Variants in ENPP3 observed in about 807,000 individuals in gnomAD.
ENPP3 encodes the protein ectonucleotide pyrophosphatase/phosphodiesterase family member 3.
A neutral mutation model predicts 117.8 loss-of-function variants in ENPP3; 104 were observed. The ratio of observed to expected loss-of-function variants is 0.88; its 90% CI spans 0.75 to 1.04. ENPP3 has a LOEUF of 1.04. Among genes scored for constraint, ENPP3 ranks in the 50% least tolerant of loss-of-function variants. ENPP3 has a pLI of 0.00. For synonymous variants in ENPP3, 380 were observed against 349.9 expected, an observed-to-expected ratio of 1.09 and a Z score of -0.96; for missense variants, 1,026 against 1,051.9, an observed-to-expected ratio of 0.98 and a Z score of 0.34.
At chr6:131,666,190 C>T (rs1270101738) in intron 6 of ENPP3, among the ~76,000 whole-genome samples, 1 of 151,552 alleles carries the variant, frequency 6.6e-6, no homozygotes, top group Non-Finnish European at 1.5e-5. Context: ...GTTTAATGTT[C>T]TGTAAGGGTT....
chr6:131,742,063 T>C (rs187537377), intron 24 of ENPP3, among the ~76,000 whole-genome samples: 1 of 152,232 alleles, frequency 6.6e-6, no homozygotes, highest in East Asian at 1.9e-4. Context: ...AGTTGGGTCA[T>C]GTAGATACGA....
At chr6:131,735,390 T>C (rs978982114) in intron 21 of ENPP3, among the ~76,000 whole-genome samples, 1 of 152,080 alleles carries the variant, frequency 6.6e-6, no homozygotes, top group Non-Finnish European at 1.5e-5. Flanking sequence ...ACAAACACCA[T>C]ATGAAATCTG....
At chr6:131,680,980 A>G (rs1160226603) in intron 11 of ENPP3, among the ~76,000 whole-genome samples, 3 of 152,078 alleles carry the variant, frequency 2.0e-5, no homozygotes, top group Admixed American at 1.3e-4. Flanking sequence ...TCAAAACTGT[A>G]AAGAGTCCAA....
chr6:131,641,833 TCACTCTGTCTCTCAGGCTGGAGCACAA>T, intron 2 of ENPP3, among the ~76,000 whole-genome samples: 4 of 129,024 alleles, frequency 3.1e-5, no homozygotes, highest in African/African-American at 1.2e-4. Context: ...TGGCAAGATC[TCACTCTGTCTCTCAGGCTGGAGCACAA>T]TCTCCACTCA....
rs1421566268 is a variant in ENPP3, at chr6:131,679,161, C to G, written c.1011+1221C>G. Among the ~76,000 whole-genome samples, 4 of 150,560 alleles carry G rather than the reference C, an allele frequency of 2.7e-5. 1 individual carries two copies. Among genetic ancestry groups the G allele is most frequent in the Non-Finnish European group, 4.4e-5 (3 of 67,896 alleles). On this transcript the variant is annotated intron_variant, in intron 11 of 24. Coordinates refer to ENST00000357639, the MANE Select transcript of ENPP3 (RefSeq NM_005021.5). ...CCAGGCTGGAATGCAGTGGCGCAAT[C>G]TCAGCTCTCTGCAACCTCCATGTCC...
Position 131,693,601 on chromosome 6 carries a change from G to C in ENPP3, c.1389G>C (p.Val463=). The change falls in exon 15 of 25, where the codon GTG becomes GTC. Residue 463 remains valine (V), a synonymous_variant. Coordinates refer to ENST00000357639, the MANE Select transcript of ENPP3 (RefSeq NM_005021.5). ...GAATCGACAAAGTTCATCTCTTTGT[G>C]GATCAACAGTGGCTGGCTGTTAGGT... ...NVRIDKVHLF[V]DQQWLAVRSK... 1 of 1,613,432 alleles carries C rather than the reference G, an allele frequency of 6.2e-7. No homozygotes were observed.
chr6:131,638,734 T>G (rs1334393402), intron 1 of ENPP3, among the ~76,000 whole-genome samples: 1 of 152,118 alleles, frequency 6.6e-6, no homozygotes, highest in African/African-American at 2.4e-5. Context: ...CTCTAGTGTT[T>G]TCCTCAGCCA....
intron 24 of ENPP3, among the ~76,000 whole-genome samples, chr6:131,745,427 G>A (rs1223113168): frequency 6.6e-6 from 1 of 152,090 alleles, no homozygotes; most frequent in African/African-American, 2.4e-5. Flanking sequence ...GAAGTCAAAT[G>A]AGAATCATGA....
intron 14 of ENPP3, among the ~76,000 whole-genome samples, chr6:131,691,671 A>G (rs1222860060): frequency 6.6e-6 from 1 of 152,152 alleles, no homozygotes; most frequent in Non-Finnish European, 1.5e-5. Context: ...CTCAAATGCA[A>G]AGAATCACCG....
rs139871685 is a variant in ENPP3 at position 131,654,224 on chromosome 6, C to T, written c.464+1333C>T. On this transcript the variant is annotated intron_variant, in intron 5 of 24. Coordinates refer to ENST00000357639, the MANE Select transcript of ENPP3 (RefSeq NM_005021.5). ...TCATAGCTCACTGCAGCCTCAAATT[C>T]CTGGGCTCAAGCTATCCTCCCATCT... Among the ~76,000 whole-genome samples, 285 of 151,914 alleles carry T rather than the reference C, an allele frequency of 1.9e-3. 6 individuals carry two copies. The East Asian group carries it at 0.035, about 18-fold the overall frequency.
intron 11 of ENPP3, among the ~76,000 whole-genome samples, chr6:131,681,832 T>C (rs1483530450): frequency 2.0e-5 from 3 of 152,170 alleles, no homozygotes; most frequent in Non-Finnish European, 4.4e-5. Flanking sequence ...TATTTTCCTA[T>C]GCCATTGTTT....
intron 15 of ENPP3, chr6:131,709,699 A>G: frequency 1.2e-6 from 2 of 1,613,744 alleles, no homozygotes; most frequent in Non-Finnish European, 1.7e-6. Context: ...TTCTTCTTCA[A>G]GATCTTTGGC....
At chr6:131,717,880 A>C (rs937618368) in intron 15 of ENPP3, among the ~76,000 whole-genome samples, 3 of 152,150 alleles carry the variant, frequency 2.0e-5, no homozygotes, top group Non-Finnish European at 4.4e-5. Context: ...CTATGTTTAC[A>C]TGTGCTTAGA....
Position 131,740,357 on chromosome 6 carries a change from C to T in ENPP3, c.2434C>T (p.Pro812Ser). Residue 812 changes from proline to serine, a missense_variant, in exon 24 of 25, where the codon CCT (proline) becomes TCT (serine). Physicochemically the swap from Pro to Ser is moderately conservative, Grantham distance 74. Transcript: ENST00000357639. Reference protein sequence around the residue: ...DVLPFIIPHRPTNVESCPEGK... With the variant: ...DVLPFIIPHRSTNVESCPEGK... Reference sequence around the variant, plus strand: ...CCTACCCTTTATCATCCCTCACCGACCTACCAACGTGGAGAGCTGTCCTGT... The same window carrying T: ...CCTACCCTTTATCATCCCTCACCGATCTACCAACGTGGAGAGCTGTCCTGT... 1 of 1,610,792 alleles carries T rather than the reference C, an allele frequency of 6.2e-7. No individual in the cohort carries two copies. The highest frequency in any genetic ancestry group is 8.5e-7 in the Non-Finnish European group (1 of 1,178,424).
chr6:131,654,873 G>A (rs1473172771), intron 5 of ENPP3, among the ~76,000 whole-genome samples: 1 of 152,158 alleles, frequency 6.6e-6, no homozygotes, highest in Non-Finnish European at 1.5e-5. Context: ...GTGGGTGGAA[G>A]AGTAAAGGAT....
chr6:131,685,267 A>G lies in ENPP3; in HGVS notation c.1121-97A>G. The G allele has an allele frequency of 4.7e-6, 5 of 1,065,144 alleles. No homozygotes were observed. The South Asian group carries it at 7.5e-5, about 16-fold the overall frequency. 66.0% of individuals were successfully genotyped at this position (1,065,144 alleles called of 1,614,324 possible). On this transcript the variant is annotated intron_variant, in intron 12 of 24. Coordinates refer to ENST00000357639, the MANE Select transcript of ENPP3 (RefSeq NM_005021.5). ...AATTCTCAGTGAAGCTTAGTTTGAG[A>G]TCTGTAACATAAAATGTCTTCTATT...
At chr6:131,693,150 A>C (rs961332391) in intron 14 of ENPP3, among the ~76,000 whole-genome samples, 4 of 148,414 alleles carry the variant, frequency 2.7e-5, no homozygotes, top group Non-Finnish European at 5.9e-5. Flanking sequence ...CAGGAATAAA[A>C]ACTGAAAACA....
chr6:131,728,044 C>G (rs9483333), intron 20 of ENPP3, among the ~76,000 whole-genome samples: 172 of 152,290 alleles, frequency 1.1e-3, no homozygotes, highest in African/African-American at 4.0e-3. Flanking sequence ...TCACTGGTAA[C>G]AGTACTAATG....
intron 15 of ENPP3, among the ~76,000 whole-genome samples, chr6:131,698,043 C>A (rs1779447860): frequency 6.6e-6 from 1 of 152,084 alleles, no homozygotes; most frequent in African/African-American, 2.4e-5. Context: ...TGTTTGTTCT[C>A]ATTAGAACAT....
Sources: allele counts gnomAD v4.1 joint callset (sites outside exome capture counted in the v4.1 genomes callset), GRCh38; gene constraint gnomAD v4.1.1; transcripts MANE v1.5; gene names NCBI Gene and HGNC (gene_info 2026-07-23, HGNC 2026-07-21).